The following DAB1 variants were observed in gnomAD, a reference collection of about 807,000 sequenced individuals.
DAB1 encodes the protein DAB adaptor protein 1.
A neutral mutation model predicts 64.6 loss-of-function variants in DAB1; 15 were observed. That is an observed-to-expected ratio of 0.23 (90% CI 0.16 to 0.36). DAB1 has a LOEUF of 0.36. Ranked by LOEUF, DAB1 falls within the 10% of genes least tolerant of loss-of-function variation. DAB1 has a pLI of 1.00. For synonymous variants in DAB1, 235 were observed against 251.9 expected, an observed-to-expected ratio of 0.93 and a Z score of 0.64; for missense variants, 596 against 706.7, an observed-to-expected ratio of 0.84 and a Z score of 1.78.
intron 1 of DAB1, among the ~76,000 whole-genome samples, chr1:57,422,108 C>T (rs1441477614): frequency 6.6e-6 from 1 of 152,164 alleles, no homozygotes; most frequent in Non-Finnish European, 1.5e-5. Flanking sequence ...AATGTACCAA[C>T]GTGAACTGGA....
chr1:58,091,778 A>C (rs1276017738), intron 5 of DAB1, among the ~76,000 whole-genome samples: 1 of 152,118 alleles, frequency 6.6e-6, no homozygotes, highest in Non-Finnish European at 1.5e-5. Flanking sequence ...CACCTTAGTA[A>C]CTAGCACAAT....
chr1:57,385,160 G>A (rs1681709625), intron 1 of DAB1, among the ~76,000 whole-genome samples: 1 of 152,162 alleles, frequency 6.6e-6, no homozygotes, highest in South Asian at 2.1e-4. Flanking sequence ...TACTCCCATT[G>A]CCCAGATAAA....
chr1:58,235,147 T>C (rs1659959766), intron 4 of DAB1, among the ~76,000 whole-genome samples: 4 of 152,200 alleles, frequency 2.6e-5, no homozygotes. Context: ...AAATGGCAAA[T>C]ACTAACATTT....
At chr1:57,710,945 G>A (rs1349068195) in intron 6 of DAB1, among the ~76,000 whole-genome samples, 2 of 152,148 alleles carry the variant, frequency 1.3e-5, no homozygotes, top group Non-Finnish European at 1.5e-5. Flanking sequence ...GGGTCAGGGA[G>A]GCAGCTGCTC....
intron 6 of DAB1, among the ~76,000 whole-genome samples, chr1:57,806,423 G>C (rs1452773904): frequency 6.6e-6 from 1 of 152,206 alleles, no homozygotes; most frequent in Non-Finnish European, 1.5e-5. Flanking sequence ...ATGCACACAA[G>C]GAAGCATGCT....
At chr1:58,266,912 A>G (rs529840506) in intron 4 of DAB1, among the ~76,000 whole-genome samples, 1 of 152,220 alleles carries the variant, frequency 6.6e-6, no homozygotes, top group Non-Finnish European at 1.5e-5. Context: ...TAGATGGAAG[A>G]TGTTCAGTTT....
intron 6 of DAB1, among the ~76,000 whole-genome samples, chr1:57,806,644 CTTTGTTAT>C (rs1180035041): frequency 6.6e-6 from 1 of 152,176 alleles, no homozygotes. Flanking sequence ...GTTTGTGGTA[CTTTGTTAT>C]GGCATCCCTA....
At position 57,488,401 on chromosome 1, in the gene DAB1, C is replaced by CAAA. The variant is rs11455708; in HGVS notation, n.625+161188_625+161190dup. ...TGGGCGACAGAGCCAGATTCCGTCT[C>CAAA]AAAAAAAAAAAAAAAAAAAAAGTTT... On this transcript the variant is annotated intron_variant and non_coding_transcript_variant, in intron 7 of 20. Transcript: ENST00000485760. Among the ~76,000 whole-genome samples, 12 of 74,092 alleles carry CAAA rather than the reference C, an allele frequency of 1.6e-4. No homozygotes were observed. The East Asian group carries it at 2.0e-3, about 12-fold the overall frequency. 48.6% of individuals were successfully genotyped at this position (74,092 alleles called of 152,430 possible).
chr1:57,271,492 A>C (rs1211999303), intron 2 of DAB1, among the ~76,000 whole-genome samples: 2 of 152,174 alleles, frequency 1.3e-5, no homozygotes, highest in African/African-American at 2.4e-5. Context: ...AGACTTACTG[A>C]ACACCGACTT....
chr1:57,218,983 G>A (rs564061200), intron 2 of DAB1, among the ~76,000 whole-genome samples: 2 of 152,222 alleles, frequency 1.3e-5, no homozygotes, highest in African/African-American at 4.8e-5. Context: ...GCTGGGTAAA[G>A]GCCTAACAAA....
chr1:57,485,245 A>G (rs1266406955), intron 7 of DAB1, among the ~76,000 whole-genome samples: 1 of 152,134 alleles, frequency 6.6e-6, no homozygotes, highest in African/African-American at 2.4e-5. Context: ...TGGGTCCCCA[A>G]GTGTCTTAGG....
chr1:57,486,020 C>T (rs1208888656), intron 7 of DAB1, among the ~76,000 whole-genome samples: 1 of 152,168 alleles, frequency 6.6e-6, no homozygotes, highest in African/African-American at 2.4e-5. Context: ...TCCAGGAAGG[C>T]TTCCCTAATT....
At chr1:58,034,583 G>A (rs543447148) in intron 5 of DAB1, among the ~76,000 whole-genome samples, 1 of 152,214 alleles carries the variant, frequency 6.6e-6, no homozygotes, top group East Asian at 1.9e-4. Context: ...CAGTCTGCCA[G>A]ATCGTGTAGA....
chr1:57,676,096 T>C (rs1192647217), intron 6 of DAB1, among the ~76,000 whole-genome samples: 1 of 152,074 alleles, frequency 6.6e-6, no homozygotes, highest in Non-Finnish European at 1.5e-5. Flanking sequence ...GTGGAGCTCA[T>C]TATATGGGGA....
chr1:57,632,268 C>G (rs1210085254), intron 7 of DAB1, among the ~76,000 whole-genome samples: 1 of 152,166 alleles, frequency 6.6e-6, no homozygotes, highest in Non-Finnish European at 1.5e-5. Flanking sequence ...GAGTACTACT[C>G]TAGTATACAT....
chr1:57,250,637 G>A (rs2100516852), intron 2 of DAB1, among the ~76,000 whole-genome samples: 1 of 152,208 alleles, frequency 6.6e-6, no homozygotes, highest in African/African-American at 2.4e-5. Flanking sequence ...ACTCTAGTAA[G>A]AATCCATAGC....
chr1:58,335,757 A>C (rs979740942), intron 4 of DAB1, among the ~76,000 whole-genome samples: 3 of 152,176 alleles, frequency 2.0e-5, no homozygotes, highest in Non-Finnish European at 4.4e-5. Flanking sequence ...ATAGGGCGTG[A>C]AAAAGAGACA....
intron 7 of DAB1, among the ~76,000 whole-genome samples, chr1:57,463,736 T>C (rs2101186709): frequency 6.6e-6 from 1 of 152,332 alleles, no homozygotes; most frequent in African/African-American, 2.4e-5. Flanking sequence ...TGCATACTCT[T>C]CTGTTTTTTC....
chr1:58,013,946 A>G (rs1399561266), intron 5 of DAB1, among the ~76,000 whole-genome samples: 2 of 150,218 alleles, frequency 1.3e-5, no homozygotes, highest in South Asian at 2.1e-4. Context: ...TCACCAGCAC[A>G]CCACTGGTAA....
Sources: allele counts gnomAD v4.1 joint callset (sites outside exome capture counted in the v4.1 genomes callset), GRCh38; gene constraint gnomAD v4.1.1; transcripts MANE v1.5; gene names NCBI Gene and HGNC (gene_info 2026-07-23, HGNC 2026-07-21).